The following SLC1A7 variants were observed in gnomAD, a reference collection of about 807,000 sequenced individuals.
SLC1A7 encodes excitatory amino acid transporter 5.
A neutral mutation model predicts 47.7 loss-of-function variants in SLC1A7; 40 were observed. The ratio of observed to expected loss-of-function variants is 0.84; its 90% CI spans 0.65 to 1.09. The LOEUF (loss-of-function observed/expected upper bound fraction) is 1.09. Ranked by LOEUF, SLC1A7 falls within the 50% of genes least tolerant of loss-of-function variation. The pLI is 0.00. For synonymous variants in SLC1A7, 323 were observed against 325.6 expected (o/e 0.99, Z 0.09); for missense variants, 746 against 769.5 (o/e 0.97, Z 0.36).
chr1:53,108,164 C>A, intron 3 of SLC1A7: 1 of 195,232 alleles, frequency 5.1e-6, no homozygotes, highest in Non-Finnish European at 1.1e-5. Flanking sequence ...TGGTAAGAGG[C>A]TTCCGTTGCA....
At chr1:53,099,375 C>G (rs1168068272) in intron 5 of SLC1A7, among the ~76,000 whole-genome samples, 3 of 133,974 alleles carry the variant, frequency 2.2e-5, no homozygotes, top group Non-Finnish European at 4.8e-5. Context: ...GGTACACACA[C>G]ATACCCTGCC....
intron 3 of SLC1A7, chr1:53,108,347 A>G: frequency 1.8e-6 from 1 of 565,682 alleles, no homozygotes; most frequent in Middle Eastern, 4.8e-4. Flanking sequence ...ACCTATATAG[A>G]CATTTCTTTA....
intron 2 of SLC1A7, among the ~76,000 whole-genome samples, chr1:53,118,074 G>T (rs920477431): frequency 6.6e-6 from 1 of 152,376 alleles, no homozygotes; most frequent in South Asian, 2.1e-4. Flanking sequence ...AGGCCAAGAA[G>T]AATGGGAGCT....
chr1:53,107,392 G>A lies in SLC1A7; in HGVS notation c.432-1618C>T, dbSNP rs542557985. 1.5e-4 allele frequency among the ~76,000 whole-genome samples: 23 copies of A among 152,202 alleles called. 1 individual carries two copies. The South Asian group carries it at 4.6e-3, about 30-fold the overall frequency. Reference sequence around the variant, plus strand: ...GTGGAAAAACTGATGGAATCCAAACGAGATCCGTAACTTAGTTAATAGTGT... The same window carrying A: ...GTGGAAAAACTGATGGAATCCAAACAAGATCCGTAACTTAGTTAATAGTGT... On this transcript the variant is annotated intron_variant, in intron 3 of 10. Coordinates refer to ENST00000371494, the MANE Select transcript of SLC1A7 (RefSeq NM_006671.6).
chr1:53,087,893 G>T lies in SLC1A7; in HGVS notation c.*116C>A. 1.9e-6 allele frequency: 1 copy of T among 519,654 alleles called. No homozygotes were observed. Among genetic ancestry groups the T allele is most frequent in the Non-Finnish European group, 3.3e-6 (1 of 304,262 alleles). The allele number at this position is 519,654 out of a possible 1,614,324, so 32.2% of individuals were successfully genotyped here. On this transcript the variant is annotated 3_prime_UTR_variant, in exon 11 of 11. Coordinates refer to ENST00000371494, the MANE Select transcript of SLC1A7 (RefSeq NM_006671.6). ...CGGGGTTAATTCCAGCCTCTCAAGG[G>T]TGAGAAGAATGTGTGATCCTGGCCC...
chr1:53,129,536 GGGCC>G (rs1644918977), intron 2 of SLC1A7, among the ~76,000 whole-genome samples: 1 of 101,166 alleles, frequency 9.9e-6, no homozygotes, highest in African/African-American at 3.7e-5. Context: ...GGAGGGACTT[GGGCC>G]AGGGGCTGGG....
At chr1:53,114,714 T>C in intron 3 of SLC1A7, 44 bp downstream of exon 3, 1 of 1,568,476 alleles carries the variant, frequency 6.4e-7, no homozygotes, top group Non-Finnish European at 8.8e-7. Flanking sequence ...CAGGGCAGGC[T>C]CGGGCCTGGC....
intron 1 of SLC1A7, among the ~76,000 whole-genome samples, chr1:53,134,765 C>T (rs1640260825): frequency 6.6e-6 from 1 of 152,150 alleles, no homozygotes; most frequent in Admixed American, 6.6e-5. Flanking sequence ...CAGTGGATGC[C>T]TGAAACCACA....
At position 53,129,573 on chromosome 1, in the gene SLC1A7, A is replaced by G. The variant is rs558630480; in HGVS notation, c.215+4777T>C. On this transcript the variant is annotated intron_variant, in intron 2 of 10. Coordinates refer to ENST00000371494, the MANE Select transcript of SLC1A7 (RefSeq NM_006671.6). ...GGGTTGGAGAAATTCTAGAAAAAAA[A>G]GAGCCCACAGCTGGAAGATGCCAGA... 4.8e-5 allele frequency among the ~76,000 whole-genome samples: 6 copies of G among 125,430 alleles called. 1 individual carries two copies. In the East Asian group the frequency reaches 1.2e-3, roughly 26 times the overall value. The allele number at this position is 125,430 out of a possible 152,430, so 82.3% of individuals were successfully genotyped here.
At chr1:53,101,463 C>A (rs373260570) in intron 5 of SLC1A7, among the ~76,000 whole-genome samples, 1 of 151,366 alleles carries the variant, frequency 6.6e-6, no homozygotes, top group Non-Finnish European at 1.5e-5. Flanking sequence ...TACACTCACA[C>A]CACCTCGAAA....
chr1:53,106,467 G>A (rs536357910), intron 3 of SLC1A7, among the ~76,000 whole-genome samples: 3 of 152,022 alleles, frequency 2.0e-5, no homozygotes, highest in African/African-American at 4.8e-5. Flanking sequence ...AGCTGGGCAC[G>A]GTGGCGGGTG....
In SLC1A7 at chr1:53,127,799, C is replaced by T. The variant is rs544539046; in HGVS notation, c.215+6551G>A. Among the ~76,000 whole-genome samples the T allele has an allele frequency of 2.0e-3, 310 of 152,256 alleles. 2 individuals are homozygous for T. The highest frequency in any genetic ancestry group is 0.014 in the Middle Eastern group (4 of 294). ...CCACTGCACAGCTGTCAATGCTGGG[C>T]CCTCAGGCAGCAGCCATGGGGAATC... On this transcript the variant is annotated intron_variant, in intron 2 of 10. Transcript: ENST00000371494.
intron 2 of SLC1A7, among the ~76,000 whole-genome samples, chr1:53,117,058 AG>A (rs1049984509): frequency 2.0e-5 from 3 of 152,188 alleles, no homozygotes; most frequent in African/African-American, 7.2e-5. Flanking sequence ...TGTTCAGAGA[AG>A]GGGGAATCAC....
chr1:53,139,108 G>A (rs59925516), intron 1 of SLC1A7, among the ~76,000 whole-genome samples: 12 of 152,212 alleles, frequency 7.9e-5, no homozygotes, highest in African/African-American at 2.9e-4. Flanking sequence ...CTTTCTGCTC[G>A]TATGTAAGTT....
intron 3 of SLC1A7, among the ~76,000 whole-genome samples, chr1:53,106,587 A>G (rs941918169): frequency 7.5e-5 from 10 of 133,760 alleles, no homozygotes; most frequent in African/African-American, 2.5e-4. Flanking sequence ...GCGGCAGAGC[A>G]AGACACCGTC....
At chr1:53,093,407 C>G in intron 6 of SLC1A7, 54 bp downstream of exon 6, 1 of 1,374,144 alleles carries the variant, frequency 7.3e-7, no homozygotes, top group Non-Finnish European at 1.0e-6. Context: ...GTCTTGTCTT[C>G]CCTCCATCCA....
At chr1:53,139,213 C>T (rs775056588) in intron 1 of SLC1A7, among the ~76,000 whole-genome samples, 18 of 152,160 alleles carry the variant, frequency 1.2e-4, no homozygotes, top group Non-Finnish European at 2.2e-4. Context: ...TTCACTGGGG[C>T]TGGGTGGGAT....
chr1:53,140,338 A>G (rs1351239988), intron 1 of SLC1A7, among the ~76,000 whole-genome samples: 2 of 152,240 alleles, frequency 1.3e-5, no homozygotes, highest in Admixed American at 6.5e-5. Flanking sequence ...TGCAGGAGAT[A>G]TATTTTTGTT....
chr1:53,088,811 T>C, intron 10 of SLC1A7, 66 bp downstream of exon 10: 1 of 1,275,386 alleles, frequency 7.8e-7, no homozygotes, highest in Non-Finnish European at 1.1e-6. Context: ...TGGTGGAAGA[T>C]CTGGTGCCCT....
Sources: allele counts gnomAD v4.1 joint callset (sites outside exome capture counted in the v4.1 genomes callset), GRCh38; gene constraint gnomAD v4.1.1; transcripts MANE v1.5; gene names NCBI Gene and HGNC (gene_info 2026-07-23, HGNC 2026-07-21).